Variants in HTR6 observed in about 807,000 individuals in gnomAD.
HTR6 encodes 5-hydroxytryptamine receptor 6.
In HTR6, 15 loss-of-function variants were observed where a neutral mutation model predicts 17.4. The observed-to-expected ratio is 0.86, with a 90% CI of 0.58 to 1.33. HTR6 has a LOEUF of 1.33. Among genes scored for constraint, HTR6 ranks in the 40% most tolerant of loss-of-function variants. The probability of loss-of-function intolerance (pLI) is 0.00; values close to 1 mark genes in which losing one functional copy is unlikely to be tolerated. For missense variants in HTR6, 578 were observed against 616.0 expected, an observed-to-expected ratio of 0.94 and a Z score of 0.65; for synonymous variants, 326 against 295.5, an observed-to-expected ratio of 1.10 and a Z score of -1.06.
chr1:19,665,823 G>C lies in HTR6; in HGVS notation c.70G>C (p.Gly24Arg). The C allele has an allele frequency of 6.4e-7, 1 of 1,564,028 alleles. No individual in the cohort carries two copies. The highest frequency in any genetic ancestry group is 8.6e-7 in the Non-Finnish European group (1 of 1,157,994). ...AWGAGPPSAP[G>R]GSGWVAAALC... ...GGGGGCAGGGCCGCCGTCGGCCCCG[G>C]GGGGCAGCGGCTGGGTGGCGGCCGC... is the stretch of plus-strand genomic sequence containing the variant. Residue 24 changes from glycine (G) to arginine (R), a missense_variant, in exon 1 of 3, where the codon GGG (glycine) becomes CGG (arginine). Gly to Arg is a moderately radical substitution (Grantham distance 125). Transcript: ENST00000289753. This position sits in a 1 kb window ranked among gnomAD's most constrained non-coding sequence, Gnocchi z 4.2.
chr1:19,679,438 T>C lies in HTR6; in HGVS notation c.*70T>C. The C allele has an allele frequency of 2.1e-6, 3 of 1,462,570 alleles. No individual in the cohort carries two copies. 90.6% of individuals were successfully genotyped at this position (1,462,570 alleles called of 1,614,324 possible). A position where few individuals can be genotyped will look rare whatever the true frequency, so the allele number is the denominator to read the frequency against. On this transcript the variant is annotated 3_prime_UTR_variant, in exon 3 of 3. Transcript: ENST00000289753. The surrounding 1 kb of genome is among the most constrained non-coding windows in gnomAD (Gnocchi z 4.9). ...CCAGACCCTGAGTCCTTGGGCCAGC[T>C]CTTGGCTAAGACCAGGAGGCTGCAA...
At position 19,666,056 on chromosome 1, in the gene HTR6, C is replaced by G. The variant is rs1478952886; in HGVS notation, c.303C>G (p.Leu101=). The change falls in exon 1 of 3, where the codon CTC becomes CTG. Residue 101 remains leucine, a synonymous_variant. Transcript: ENST00000289753. This position sits in a 1 kb window ranked among gnomAD's most constrained non-coding sequence, Gnocchi z 4.5. ...RWVLARGLCL[L]WTAFDVMCCS... Reference sequence around the variant, plus strand: ...TGCTGGCGCGCGGCCTCTGCCTGCTCTGGACCGCCTTCGACGTGATGTGCT... The same window carrying G: ...TGCTGGCGCGCGGCCTCTGCCTGCTGTGGACCGCCTTCGACGTGATGTGCT... 6.2e-7 allele frequency: 1 copy of G among 1,613,348 alleles called. No homozygotes were observed. Among genetic ancestry groups the G allele is most frequent in the Admixed American group, 1.7e-5 (1 of 60,024 alleles).
rs1570584733 is a variant in HTR6 at position 19,673,408 on chromosome 1, G to A, written c.715-5159G>A. On this transcript the variant is annotated intron_variant, in intron 1 of 2. Transcript: ENST00000289753. ...ACTCTCACACTATGATCAGATGATG[G>A]TAACAAAATTTAATTGTGGGCTGGG... 2.0e-5 allele frequency among the ~76,000 whole-genome samples: 3 copies of A among 152,172 alleles called. No individual in the cohort carries two copies. In the East Asian group the frequency reaches 5.8e-4, roughly 29 times the overall value.
Position 19,667,648 on chromosome 1 carries a change from G to A in HTR6, c.714+1181G>A, listed in dbSNP as rs6702953. On this transcript the variant is annotated intron_variant, in intron 1 of 2. Transcript: ENST00000289753. ...CCAGGTTGGTCTTGAACTCCTGATC[G>A]AGGTCAGTTTTGATCCCCACTGTGC... Among the ~76,000 whole-genome samples, 1,424 of 152,156 alleles carry A rather than the reference G, an allele frequency of 9.4e-3. 17 individuals carry two copies. Among genetic ancestry groups the A allele is most frequent in the African/African-American group, 0.033 (1,360 of 41,516 alleles).
rs1253208918 is a variant in HTR6 at position 19,665,856 on chromosome 1, G to A, written c.103G>A (p.Val35Met). 3.1e-6 allele frequency: 5 copies of A among 1,593,110 alleles called. No homozygotes were observed. Among genetic ancestry groups the A allele is most frequent in the Non-Finnish European group, 4.3e-6 (5 of 1,170,480 alleles). Residue 35 changes from valine (V) to methionine (M), a missense_variant, in exon 1 of 3, where the codon GTG becomes ATG. Physicochemically the swap from Val to Met is conservative, Grantham distance 21. Transcript: ENST00000289753. The surrounding 1 kb of genome is among the most constrained non-coding windows in gnomAD (Gnocchi z 4.2). ...CGGCTGGGTGGCGGCCGCGCTGTGC[G>A]TGGTCATCGCGCTGACGGCGGCGGC... ...GSGWVAAALC[V>M]VIALTAAANS...
At chr1:19,677,218 TTG>T (rs10582325) in intron 1 of HTR6, among the ~76,000 whole-genome samples, 24,526 of 148,252 alleles carry the variant, frequency 0.17, 2,071 homozygotes, top group East Asian at 0.21. Flanking sequence ...GGGGAGAGGT[TTG>T]TGTGTGTGTG....
At position 19,664,986 on chromosome 1, in the gene HTR6, G is replaced by A. The variant is rs1392408686; in HGVS notation, c.-768G>A. Among the ~76,000 whole-genome samples, 1 of 150,734 alleles carries A rather than the reference G, an allele frequency of 6.6e-6. No homozygotes were observed. The highest frequency in any genetic ancestry group is 1.5e-5 in the Non-Finnish European group (1 of 67,562). On this transcript the variant is annotated 5_prime_UTR_variant, in exon 1 of 3. Coordinates refer to ENST00000289753, the MANE Select transcript of HTR6 (RefSeq NM_000871.3). This position sits in a 1 kb window ranked among gnomAD's most constrained non-coding sequence, Gnocchi z 4.7. ...GGCCGCCTCTTCCTCTCGCAGCCCC[G>A]CGGCGCTTGCCGCAGTCGCAGGCGG...
At chr1:19,674,207 G>A (rs2095091545) in intron 1 of HTR6, among the ~76,000 whole-genome samples, 1 of 152,118 alleles carries the variant, frequency 6.6e-6, no homozygotes, top group East Asian at 1.9e-4. Flanking sequence ...ATTTATACAG[G>A]TACTTAAAGA....
At position 19,666,019 on chromosome 1, in the gene HTR6, A is replaced by G. The variant is rs148270612; in HGVS notation, c.266A>G (p.Tyr89Cys). ...VMPPAMLNAL[Y>C]GRWVLARGLC... ...CCGCCGGCCATGCTGAACGCGCTGT[A>G]CGGGCGCTGGGTGCTGGCGCGCGGC... The change falls in exon 1 of 3, where the codon TAC becomes TGC. Residue 89 changes from tyrosine to cysteine, a missense_variant. Coordinates refer to ENST00000289753, the MANE Select transcript of HTR6 (RefSeq NM_000871.3). This position sits in a 1 kb window ranked among gnomAD's most constrained non-coding sequence, Gnocchi z 4.5. 374 of 1,613,706 alleles carry G rather than the reference A, an allele frequency of 2.3e-4. No individual in the cohort carries two copies. The highest frequency in any genetic ancestry group is 2.7e-4 in the Non-Finnish European group (316 of 1,179,892).
chr1:19,671,096 C>T (rs1055129100), intron 1 of HTR6, among the ~76,000 whole-genome samples: 1 of 152,170 alleles, frequency 6.6e-6, no homozygotes, highest in Non-Finnish European at 1.5e-5. Context: ...GGAGTACAGA[C>T]ATTAATCATC....
rs2095100064 is a variant in HTR6, at chr1:19,680,150, G to A, written c.*782G>A. Among the ~76,000 whole-genome samples, 1 of 152,230 alleles carries A rather than the reference G, an allele frequency of 6.6e-6. No individual in the cohort carries two copies. Reference sequence around the variant, plus strand: ...AAGGTAGAGAAATGATGCCTATCTTGCAGGTTGTCTTGAGAATTAAGACAA... The same window carrying A: ...AAGGTAGAGAAATGATGCCTATCTTACAGGTTGTCTTGAGAATTAAGACAA... On this transcript the variant is annotated 3_prime_UTR_variant, in exon 3 of 3. Transcript: ENST00000289753.
intron 1 of HTR6, among the ~76,000 whole-genome samples, chr1:19,676,906 A>G (rs142871588): frequency 1.4e-3 from 212 of 152,388 alleles, no homozygotes; most frequent in African/African-American, 4.7e-3. Context: ...AGATGTATTC[A>G]CAGACCGCAA....
At position 19,666,417 on chromosome 1, in the gene HTR6, G is replaced by A; in HGVS notation, c.664G>A (p.Val222Met). 1 of 1,613,326 alleles carries A rather than the reference G, an allele frequency of 6.2e-7. No individual in the cohort carries two copies. The highest frequency in any genetic ancestry group is 2.2e-5 in the East Asian group (1 of 44,856). ...LLAARKQAVQ[V>M]ASLTTGMASQ... ...AGCTGCCCGCAAGCAGGCCGTGCAG[G>A]TGGCCTCCCTCACCACCGGCATGGC... The change falls in exon 1 of 3, where the codon GTG becomes ATG. Residue 222 changes from valine to methionine, a missense_variant. Transcript: ENST00000289753. This position sits in a 1 kb window ranked among gnomAD's most constrained non-coding sequence, Gnocchi z 4.5.
At position 19,666,456 on chromosome 1, in the gene HTR6, G is replaced by A. The variant is rs778718497; in HGVS notation, c.703G>A (p.Glu235Lys). 6.2e-7 allele frequency: 1 copy of A among 1,607,976 alleles called. No individual in the cohort carries two copies. The highest frequency in any genetic ancestry group is 8.5e-7 in the Non-Finnish European group (1 of 1,177,916). Residue 235 changes from glutamate to lysine, a missense_variant, in exon 1 of 3, where the codon GAG (glutamate) becomes AAG (lysine). Physicochemically the swap from Glu to Lys is moderately conservative, Grantham distance 56 (BLOSUM62 1). Coordinates refer to ENST00000289753, the MANE Select transcript of HTR6 (RefSeq NM_000871.3). The surrounding 1 kb of genome is among the most constrained non-coding windows in gnomAD (Gnocchi z 4.5). ...CACCGGCATGGCCAGTCAGGCCTCG[G>A]AGACGCTGCAGGTACCTGGGGTGCG... ...LTTGMASQASETLQVPRTPRP... is the reference protein window; with the variant it reads ...LTTGMASQASKTLQVPRTPRP...
chr1:19,669,574 C>T (rs2095085390), intron 1 of HTR6, among the ~76,000 whole-genome samples: 1 of 152,114 alleles, frequency 6.6e-6, no homozygotes, highest in Non-Finnish European at 1.5e-5. Context: ...GCTCGGGGAC[C>T]CCACACCTTG....
intron 1 of HTR6, among the ~76,000 whole-genome samples, chr1:19,674,406 CTT>C (rs34322917): frequency 0.011 from 1,399 of 129,288 alleles, 9 homozygotes; most frequent in South Asian, 0.03. Context: ...CCACTCTTCT[CTT>C]TTTTTTTTTT....
At chr1:19,669,752 A>G (rs2095085626) in intron 1 of HTR6, among the ~76,000 whole-genome samples, 1 of 152,104 alleles carries the variant, frequency 6.6e-6, no homozygotes, top group African/African-American at 2.4e-5. Flanking sequence ...CCACACGCTG[A>G]TGACTTCCTA....
intron 1 of HTR6, among the ~76,000 whole-genome samples, chr1:19,670,584 C>T (rs1329888954): frequency 1.3e-5 from 2 of 151,938 alleles, no homozygotes; most frequent in Admixed American, 6.6e-5. Context: ...CCTGCCTCAG[C>T]CTCCGGAGTA....
At chr1:19,674,939 G>A (rs1343403058) in intron 1 of HTR6, among the ~76,000 whole-genome samples, 1 of 152,244 alleles carries the variant, frequency 6.6e-6, no homozygotes, top group Non-Finnish European at 1.5e-5. Flanking sequence ...GCCCCAAGGG[G>A]CTGCGAGGTG....
Sources: gnomAD v4.1 joint callset for allele counts (sites outside exome capture counted in the v4.1 genomes callset) on GRCh38, gnomAD v4.1.1 for gene constraint, Gnocchi (gnomAD v3.1) non-coding constraint, MANE v1.5 for transcripts, NCBI Gene and HGNC (gene_info 2026-07-23, HGNC 2026-07-21) for gene names.